The following ARL5A variants were observed in gnomAD, a reference collection of about 807,000 sequenced individuals.
The protein encoded by ARL5A is ARF like GTPase 5A.
Under a neutral mutation model 25.9 loss-of-function variants are expected in ARL5A, and 18 were observed. That is an observed-to-expected ratio of 0.69 (90% CI 0.48 to 1.03). The LOEUF is 1.03. Ranked by LOEUF, ARL5A falls within the 50% of genes least tolerant of loss-of-function variation. The pLI, the probability that ARL5A is intolerant of heterozygous loss-of-function variation, is 0.00. For synonymous variants in ARL5A, 61 were observed against 67.5 expected, an observed-to-expected ratio of 0.90 and a Z score of 0.47; for missense variants, 170 against 211.9, an observed-to-expected ratio of 0.80 and a Z score of 1.23.
At chr2:151,816,904 A>G (rs2099831589) in intron 1 of ARL5A, among the ~76,000 whole-genome samples, 1 of 152,222 alleles carries the variant, frequency 6.6e-6, no homozygotes, top group Admixed American at 6.5e-5. Context: ...GTTTTGCCCT[A>G]CTGGAGGCTA....
chr2:151,807,442 C>T (rs1210243084), intron 4 of ARL5A, among the ~76,000 whole-genome samples: 1 of 152,172 alleles, frequency 6.6e-6, no homozygotes, highest in East Asian at 1.9e-4. Flanking sequence ...ATTTCTCTTG[C>T]ATGTATTTCC....
chr2:151,812,058 C>T (rs2099830915), intron 4 of ARL5A, among the ~76,000 whole-genome samples: 1 of 152,142 alleles, frequency 6.6e-6, no homozygotes, highest in Non-Finnish European at 1.5e-5. Context: ...TATAATTAAT[C>T]TATTCAAAAT....
intron 1 of ARL5A, among the ~76,000 whole-genome samples, chr2:151,817,980 T>C (rs1336744057): frequency 6.6e-6 from 1 of 152,220 alleles, no homozygotes; most frequent in Non-Finnish European, 1.5e-5. Flanking sequence ...CACTCCAGCC[T>C]GGGCAACAAG....
intron 4 of ARL5A, among the ~76,000 whole-genome samples, chr2:151,809,477 G>A (rs1395941691): frequency 6.6e-6 from 1 of 152,092 alleles, no homozygotes; most frequent in Non-Finnish European, 1.5e-5. Flanking sequence ...TACATATTTA[G>A]AAAGAGAAGA....
rs1262819845 is a variant in ARL5A at position 151,814,310 on chromosome 2, C to A, written c.114G>T (p.Met38Ile). Residue 38 changes from methionine (M) to isoleucine (I), a missense_variant, in exon 3 of 6, where the codon ATG becomes ATT. Physicochemically the swap from Met to Ile is conservative, Grantham distance 10. Coordinates refer to ENST00000295087, the MANE Select transcript of ARL5A (RefSeq NM_012097.4). ...GKTTILYQFS[M>I]NEVVHTSPTI... is the part of the protein sequence containing the mutation. ...TAGGAGATGTATGTACAACTTCATTCATAGAACTGGGGAAAAAAGTTTATA... is the reference window on the plus strand; with the variant it reads ...TAGGAGATGTATGTACAACTTCATTAATAGAACTGGGGAAAAAAGTTTATA... 6.5e-7 allele frequency: 1 copy of A among 1,548,776 alleles called. No homozygotes were observed. Among genetic ancestry groups the A allele is most frequent in the Non-Finnish European group, 8.7e-7 (1 of 1,153,044 alleles).
At position 151,800,281 on chromosome 2, in the gene ARL5A, T is replaced by G. The variant is rs766343820; in HGVS notation, c.*2995A>C. 78 of 152,300 alleles carry G rather than the reference T, an allele frequency of 5.1e-4. No homozygotes were observed. The highest frequency in any genetic ancestry group is 3.4e-3 in the Middle Eastern group (1 of 294). The allele number at this position is 152,300 out of a possible 1,614,324, so 9.4% of individuals were successfully genotyped here. ...AAAGTGCCTATACAAGAGGGAACAATAGAGTCCTATTTCTAGGCATCTTAA... is the reference window on the plus strand; with the variant it reads ...AAAGTGCCTATACAAGAGGGAACAAGAGAGTCCTATTTCTAGGCATCTTAA... On this transcript the variant is annotated 3_prime_UTR_variant, in exon 6 of 6. Transcript: ENST00000295087.
intron 2 of ARL5A, among the ~76,000 whole-genome samples, chr2:151,814,569 T>C (rs1183168659): frequency 6.6e-6 from 1 of 152,014 alleles, no homozygotes; most frequent in African/African-American, 2.4e-5. Flanking sequence ...TTTTTTTTAA[T>C]GTTACCCAGG....
At chr2:151,816,525 T>C (rs2099831529) in intron 1 of ARL5A, among the ~76,000 whole-genome samples, 1 of 152,196 alleles carries the variant, frequency 6.6e-6, no homozygotes, top group African/African-American at 2.4e-5. Flanking sequence ...GAAGGAGATA[T>C]TAATGGCATT....
At chr2:151,812,462 T>C in intron 3 of ARL5A, 22 bp from the exon 4 acceptor site, 9 of 1,449,204 alleles carry the variant, frequency 6.2e-6, no homozygotes, top group Non-Finnish European at 8.5e-6. Flanking sequence ...ACAAAAAAAT[T>C]ATTAGTGATT....
At chr2:151,809,700 T>C (rs1264318233) in intron 4 of ARL5A, among the ~76,000 whole-genome samples, 1 of 152,258 alleles carries the variant, frequency 6.6e-6, no homozygotes, top group Non-Finnish European at 1.5e-5. Flanking sequence ...AGATATATTT[T>C]AGTTTTATCA....
At chr2:151,809,372 G>A (rs2099830518) in intron 4 of ARL5A, among the ~76,000 whole-genome samples, 1 of 152,030 alleles carries the variant, frequency 6.6e-6, no homozygotes, top group Admixed American at 6.5e-5. Flanking sequence ...TTTAATAAAA[G>A]GTCTCCAAAT....
intron 1 of ARL5A, among the ~76,000 whole-genome samples, chr2:151,820,672 A>AAC (rs935193838): frequency 6.7e-6 from 1 of 150,352 alleles, no homozygotes; most frequent in Non-Finnish European, 1.5e-5. Context: ...AAAAAAAAAA[A>AAC]AAAAAAAAAA....
intron 1 of ARL5A, among the ~76,000 whole-genome samples, chr2:151,816,744 G>C (rs2099831561): frequency 6.6e-6 from 1 of 152,180 alleles, no homozygotes; most frequent in South Asian, 2.1e-4. Flanking sequence ...TTCAAAGTTT[G>C]AATTTTGATC....
intron 1 of ARL5A, among the ~76,000 whole-genome samples, chr2:151,815,470 T>C (rs2099831382): frequency 6.6e-6 from 1 of 152,182 alleles, no homozygotes. Flanking sequence ...TTTCCTCTAT[T>C]CCTAGGCAAG....
At position 151,801,307 on chromosome 2, in the gene ARL5A, A is replaced by G. The variant is rs2099829387; in HGVS notation, c.*1969T>C. 6.6e-6 allele frequency: 1 copy of G among 152,234 alleles called. No individual in the cohort carries two copies. The highest frequency in any genetic ancestry group is 2.1e-4 in the South Asian group (1 of 4,832). The allele number at this position is 152,234 out of a possible 1,614,324, so 9.4% of individuals were successfully genotyped here. On this transcript the variant is annotated 3_prime_UTR_variant, in exon 6 of 6. Coordinates refer to ENST00000295087, the MANE Select transcript of ARL5A (RefSeq NM_012097.4). ...TTGATGATGACAAGGGAATGTGCTG[A>G]TATCGTGTTAAACTGATGTGGCAGT...
chr2:151,825,153 T>C (rs1450145871), intron 1 of ARL5A, among the ~76,000 whole-genome samples: 1 of 152,242 alleles, frequency 6.6e-6, no homozygotes, highest in Non-Finnish European at 1.5e-5. Flanking sequence ...CTTCCTGGAC[T>C]AAATAGGTGT....
intron 1 of ARL5A, among the ~76,000 whole-genome samples, chr2:151,820,384 GCA>G (rs2099832109): frequency 2.0e-5 from 3 of 152,006 alleles, no homozygotes; most frequent in Admixed American, 2.0e-4. Flanking sequence ...TCTGGGCCAG[GCA>G]CAGTGGCTCA....
At position 151,800,764 on chromosome 2, in the gene ARL5A, G is replaced by A. The variant is rs2099829302; in HGVS notation, c.*2512C>T. The A allele has an allele frequency of 6.6e-6, 1 of 152,302 alleles. No homozygotes were observed. The highest frequency in any genetic ancestry group is 1.5e-5 in the Non-Finnish European group (1 of 67,992). 9.4% of individuals were successfully genotyped at this position (152,302 alleles called of 1,614,324 possible). ...ATGCTTATAGCATATGGTTACTTTT[G>A]CCCAGATATCAAAAGAAGTTACATG... is the stretch of plus-strand genomic sequence containing the variant. On this transcript the variant is annotated 3_prime_UTR_variant, in exon 6 of 6. Transcript: ENST00000295087.
intron 1 of ARL5A, among the ~76,000 whole-genome samples, chr2:151,819,759 A>G (rs2099832012): frequency 6.6e-6 from 1 of 152,072 alleles, no homozygotes; most frequent in Admixed American, 6.5e-5. Flanking sequence ...ACTGAAAAAA[A>G]AAAAAAGACT....
Sources: gnomAD v4.1 joint callset for allele counts (sites outside exome capture counted in the v4.1 genomes callset) on GRCh38, gnomAD v4.1.1 for gene constraint, MANE v1.5 for transcripts, NCBI Gene and HGNC (gene_info 2026-07-23, HGNC 2026-07-21) for gene names.